The following SMAP1 variants were observed in gnomAD, a reference collection of about 807,000 sequenced individuals.
The protein encoded by SMAP1 is stromal membrane-associated protein 1.
In SMAP1, 24 loss-of-function variants were observed where a neutral mutation model predicts 58.5. The ratio of observed to expected loss-of-function variants is 0.41; its 90% confidence interval spans 0.30 to 0.58. The LOEUF is 0.58. SMAP1 is among the 20% of genes least tolerant of loss of function. SMAP1 has a pLI of 0.29. For synonymous variants in SMAP1, 216 were observed against 196.6 expected, an observed-to-expected ratio of 1.10 and a Z score of -0.82; for missense variants, 563 against 566.3, an observed-to-expected ratio of 0.99 and a Z score of 0.06.
Position 70,744,173 on chromosome 6 carries a change from C to CTT in SMAP1, c.253-10795_253-10794dup, listed in dbSNP as rs11376216. Among the ~76,000 whole-genome samples the CTT allele has an allele frequency of 7.2e-3, 1,046 of 145,082 alleles. 13 individuals are homozygous for CTT. Among genetic ancestry groups the CTT allele is most frequent in the African/African-American group, 0.024 (969 of 39,786 alleles). On this transcript the variant is annotated intron_variant, in intron 2 of 10. Coordinates refer to ENST00000370455, the MANE Select transcript of SMAP1 (RefSeq NM_001044305.3). ...GAGGATTTTCATTTAACTCCTAATT[C>CTT]TTTTTTTTTTTTTGTTATACTTCAA...
intron 4 of SMAP1, among the ~76,000 whole-genome samples, chr6:70,783,574 T>A (rs544166850): frequency 7.9e-5 from 12 of 151,940 alleles, no homozygotes; most frequent in Middle Eastern, 3.2e-3. Context: ...GATGAATGTA[T>A]AACTAGAATA....
intron 1 of SMAP1, among the ~76,000 whole-genome samples, chr6:70,692,859 C>A (rs1767231184): frequency 6.6e-6 from 1 of 152,200 alleles, no homozygotes. Context: ...TCTTGGCTCA[C>A]TGCAATCTCC....
At chr6:70,787,034 A>AC (rs1768074255) in intron 4 of SMAP1, among the ~76,000 whole-genome samples, 1 of 152,174 alleles carries the variant, frequency 6.6e-6, no homozygotes, top group African/African-American at 2.4e-5. Flanking sequence ...GCATCACGCT[A>AC]CCTGACTTCA....
chr6:70,776,730 A>G (rs976533238), intron 4 of SMAP1, among the ~76,000 whole-genome samples: 2 of 152,208 alleles, frequency 1.3e-5, no homozygotes, highest in African/African-American at 2.4e-5. Flanking sequence ...CAGAAGAATG[A>G]GAACACGTGG....
chr6:70,696,036 C>T (rs955458623), intron 1 of SMAP1, among the ~76,000 whole-genome samples: 5 of 152,090 alleles, frequency 3.3e-5, no homozygotes, highest in African/African-American at 9.7e-5. Context: ...TTATCCATTT[C>T]GTCTAGCTTT....
At chr6:70,762,491 A>G (rs1413930714) in intron 3 of SMAP1, among the ~76,000 whole-genome samples, 1 of 152,140 alleles carries the variant, frequency 6.6e-6, no homozygotes, top group Non-Finnish European at 1.5e-5. Flanking sequence ...GGGACCTTGT[A>G]CAAAAATATA....
At chr6:70,671,037 G>A (rs777716798) in intron 1 of SMAP1, among the ~76,000 whole-genome samples, 3 of 152,362 alleles carry the variant, frequency 2.0e-5, no homozygotes, top group Middle Eastern at 6.8e-3. Context: ...CTGCATTCAT[G>A]ACTCAGTGGG....
intron 5 of SMAP1, among the ~76,000 whole-genome samples, chr6:70,796,712 G>T (rs776317120): frequency 4.6e-5 from 7 of 152,154 alleles, no homozygotes; most frequent in Non-Finnish European, 8.8e-5. Flanking sequence ...TTCTGTCTGT[G>T]CTAGACTATG....
intron 3 of SMAP1, among the ~76,000 whole-genome samples, chr6:70,768,049 A>G (rs956876253): frequency 2.6e-5 from 4 of 151,968 alleles, no homozygotes; most frequent in African/African-American, 9.7e-5. Context: ...ATGCTGGATT[A>G]CATTTATTGA....
chr6:70,732,647 G>A, intron 2 of SMAP1, 136 bp downstream of exon 2: 2 of 704,332 alleles, frequency 2.8e-6, no homozygotes, highest in Non-Finnish European at 4.0e-6. Flanking sequence ...TATAAAATTG[G>A]AATATTTGAA....
In SMAP1 at chr6:70,856,955, G is replaced by T. The variant is rs1192272851; in HGVS notation, c.886G>T (p.Ala296Ser). The part of the protein sequence containing the change: ...TEQTTKSEEV[A>S]KKQLSKDSIL... ...GCAAACTACAAAATCAGAAGAAGTGGCAAAGAAACAACTTTCCAAAGACTC... is the reference window on the plus strand; with the variant it reads ...GCAAACTACAAAATCAGAAGAAGTGTCAAAGAAACAACTTTCCAAAGACTC... Residue 296 changes from alanine to serine, a missense_variant, in exon 9 of 11, where the codon GCA (alanine) becomes TCA (serine). By Grantham distance (99) the Ala-to-Ser change is moderately conservative. Around this residue, in one of 3 missense-constraint regions of SMAP1, gnomAD observed 494 missense variants for 473.8 expected, o/e 1.04. Coordinates refer to ENST00000370455, the MANE Select transcript of SMAP1 (RefSeq NM_001044305.3). 2.5e-6 allele frequency: 4 copies of T among 1,613,782 alleles called. No individual in the cohort carries two copies. Among genetic ancestry groups the T allele is most frequent in the South Asian group, 2.2e-5 (2 of 91,052 alleles).
At chr6:70,859,937 C>G (rs1391464008) in intron 10 of SMAP1, 2 of 330,106 alleles carry the variant, frequency 6.1e-6, no homozygotes, top group Non-Finnish European at 5.5e-6. Context: ...GAGTAGCGGA[C>G]TCATTAAAAT....
At chr6:70,827,330 T>C (rs1770177893) in intron 6 of SMAP1, among the ~76,000 whole-genome samples, 1 of 152,190 alleles carries the variant, frequency 6.6e-6, no homozygotes, top group South Asian at 2.1e-4. Context: ...ATTGGATAAA[T>C]GTAAAATTCT....
At chr6:70,829,171 T>C (rs2149990440) in intron 6 of SMAP1, among the ~76,000 whole-genome samples, 1 of 152,338 alleles carries the variant, frequency 6.6e-6, no homozygotes, top group Non-Finnish European at 1.5e-5. Context: ...ATGTGGTCTT[T>C]ATAGTGTACC....
At position 70,839,623 on chromosome 6, in the gene SMAP1, A is replaced by T. The variant is rs1305383818; in HGVS notation, c.664+2595A>T. Among the ~76,000 whole-genome samples the T allele has an allele frequency of 2.0e-5, 3 of 152,084 alleles. No individual in the cohort carries two copies. The East Asian group carries it at 5.8e-4, about 29-fold the overall frequency. ...AGAATATAAGGGGGATTTTGCAATGACTCACAGTGGGTCATTAGATCATTT... is the reference window on the plus strand; with the variant it reads ...AGAATATAAGGGGGATTTTGCAATGTCTCACAGTGGGTCATTAGATCATTT... On this transcript the variant is annotated intron_variant, in intron 7 of 10. Coordinates refer to ENST00000370455, the MANE Select transcript of SMAP1 (RefSeq NM_001044305.3).
In SMAP1 at chr6:70,798,660, GAAAAGGAAAAAA is replaced by G. The variant is rs1337434370; in HGVS notation, c.508_519del (p.Lys170_Glu173del). 2 of 1,413,978 alleles carry G rather than the reference GAAAAGGAAAAAA, an allele frequency of 1.4e-6. No individual in the cohort carries two copies. The highest frequency in any genetic ancestry group is 1.8e-6 in the Non-Finnish European group (2 of 1,081,660). The allele number at this position is 1,413,978 out of a possible 1,614,324, so 87.6% of individuals were successfully genotyped here. On this transcript the variant is annotated inframe_deletion, in exon 6 of 11. Transcript: ENST00000370455. ...AAAACTTTGGGCTGTGTTTTAGAAA[GAAAAGGAAAAAA>G]AAAAGGAAGAGAAAAAGAGAGAAAA...
chr6:70,729,487 G>GTGTGTGTGTGTGTA lies in SMAP1; in HGVS notation c.119-2884_119-2883insGTGTGTATGTGTGT, dbSNP rs1244017663. Among the ~76,000 whole-genome samples, 15 of 150,940 alleles carry GTGTGTGTGTGTGTA rather than the reference G, an allele frequency of 9.9e-5. No individual in the cohort carries two copies. The South Asian group carries it at 3.2e-3, about 32-fold the overall frequency. On this transcript the variant is annotated intron_variant, in intron 1 of 10. Transcript: ENST00000370455. ...TGTGTGTGTGTGTGTGTGTGTGTGT[G>GTGTGTGTGTGTGTA]TGTGTGTATGTGTGTATGTATCCAG...
chr6:70,745,187 A>G (rs1765977634), intron 2 of SMAP1, among the ~76,000 whole-genome samples: 1 of 152,092 alleles, frequency 6.6e-6, no homozygotes, highest in African/African-American at 2.4e-5. Context: ...ATTAGATCCC[A>G]TTTATCAATT....
chr6:70,743,861 G>A (rs7771674), intron 2 of SMAP1, among the ~76,000 whole-genome samples: 75,577 of 151,960 alleles, frequency 0.5, 19,122 homozygotes, highest in African/African-American at 0.52. Flanking sequence ...AAAGAAAGTG[G>A]TACTGTCTAT....
Sources: allele counts gnomAD v4.1 joint callset (sites outside exome capture counted in the v4.1 genomes callset), GRCh38; gene constraint gnomAD v4.1.1; regional missense constraint gnomAD v4.1.1; transcripts MANE v1.5; gene names NCBI Gene and HGNC (gene_info 2026-07-23, HGNC 2026-07-21).